Variants in MAP2K1 observed in about 807,000 individuals in gnomAD.
MAP2K1 encodes dual specificity mitogen-activated protein kinase kinase 1.
In MAP2K1, 16 loss-of-function variants were observed where a neutral mutation model predicts 46.3. The ratio of observed to expected loss-of-function variants is 0.35; its 90% CI spans 0.23 to 0.52. The LOEUF is 0.52. Ranked by LOEUF, MAP2K1 falls within the 20% of genes least tolerant of loss-of-function variation. The probability of loss-of-function intolerance (pLI) is 0.94; values close to 1 mark genes in which losing one functional copy is unlikely to be tolerated. For synonymous variants in MAP2K1, 183 were observed against 185.6 expected (o/e 0.99, Z 0.11); for missense variants, 263 against 497.1 (o/e 0.53, Z 4.48).
At chr15:66,415,298 G>A in intron 1 of MAP2K1, 1 of 335,448 alleles carries the variant, frequency 3.0e-6, no homozygotes, top group East Asian at 9.9e-5. Flanking sequence ...AGGGCCCACT[G>A]TGAATAACAA....
chr15:66,399,620 A>AT (rs1566995790), intron 1 of MAP2K1, among the ~76,000 whole-genome samples: 1 of 151,032 alleles, frequency 6.6e-6, no homozygotes, highest in Non-Finnish European at 1.5e-5. Flanking sequence ...ACACCCAGCT[A>AT]TTTTTTTTCA....
intron 5 of MAP2K1, among the ~76,000 whole-genome samples, chr15:66,468,808 G>C (rs1840238016): frequency 6.6e-6 from 1 of 151,780 alleles, no homozygotes; most frequent in South Asian, 2.1e-4. Context: ...GTGCGTGCCT[G>C]TAATCCCAAC....
chr15:66,392,873 AT>A (rs1289451048), intron 1 of MAP2K1, among the ~76,000 whole-genome samples: 1 of 151,582 alleles, frequency 6.6e-6, no homozygotes, highest in East Asian at 1.9e-4. Context: ...TTTTTAACCA[AT>A]TTTGTTTTGA....
intron 5 of MAP2K1, among the ~76,000 whole-genome samples, chr15:66,465,060 CA>C (rs1892427328): frequency 6.6e-6 from 1 of 150,752 alleles, no homozygotes; most frequent in Non-Finnish European, 1.5e-5. Flanking sequence ...CCATCTCTAC[CA>C]AAAATACAAA....
At chr15:66,412,553 A>G (rs778787652) in intron 1 of MAP2K1, among the ~76,000 whole-genome samples, 1 of 152,320 alleles carries the variant, frequency 6.6e-6, no homozygotes, top group Non-Finnish European at 1.5e-5. Flanking sequence ...ACTTACCCAG[A>G]TAATCTACTC....
At chr15:66,404,676 C>G (rs189906968) in intron 1 of MAP2K1, among the ~76,000 whole-genome samples, 2 of 152,184 alleles carry the variant, frequency 1.3e-5, no homozygotes, top group African/African-American at 4.8e-5. Context: ...AAACCACCAA[C>G]AGGTGTTTCG....
Position 66,448,506 on chromosome 15 carries a change from G to T in MAP2K1, c.568+3799G>T, listed in dbSNP as rs546017601. 3.3e-5 allele frequency among the ~76,000 whole-genome samples: 5 copies of T among 152,276 alleles called. No individual in the cohort carries two copies. The East Asian group carries it at 9.7e-4, about 29-fold the overall frequency. On this transcript the variant is annotated intron_variant, in intron 5 of 10. Transcript: ENST00000307102. ...CCTAGTGGGATTTGTCGGGAGAAAA[G>T]AAATAGAAAATGAAGCACAAAGAAG...
At chr15:66,422,277 GTGTT>G (rs2093445580) in intron 1 of MAP2K1, among the ~76,000 whole-genome samples, 1 of 152,256 alleles carries the variant, frequency 6.6e-6, no homozygotes, top group Non-Finnish European at 1.5e-5. Context: ...GCACCTGAGA[GTGTT>G]TGTCAAAATT....
At chr15:66,461,951 ACT>A (rs1280981779) in intron 5 of MAP2K1, among the ~76,000 whole-genome samples, 1 of 152,050 alleles carries the variant, frequency 6.6e-6, no homozygotes, top group Non-Finnish European at 1.5e-5. Context: ...ATCAGATGAA[ACT>A]CTGACCAAGT....
At chr15:66,421,114 A>G (rs1241690751) in intron 1 of MAP2K1, among the ~76,000 whole-genome samples, 1 of 86,246 alleles carries the variant, frequency 1.2e-5, no homozygotes, top group Non-Finnish European at 2.8e-5. Flanking sequence ...ACACACACAC[A>G]CACACACACA....
chr15:66,445,856 C>T (rs2140604860), intron 5 of MAP2K1, among the ~76,000 whole-genome samples: 1 of 151,508 alleles, frequency 6.6e-6, no homozygotes, highest in Non-Finnish European at 1.5e-5. Flanking sequence ...TTTGGGGTGA[C>T]ACAAATGTTA....
intron 1 of MAP2K1, among the ~76,000 whole-genome samples, chr15:66,422,198 A>G (rs181827229): frequency 9.2e-5 from 14 of 152,260 alleles, no homozygotes; most frequent in Non-Finnish European, 1.2e-4. Context: ...TCATTTATCT[A>G]TGTTTCTTTG....
At chr15:66,466,594 C>T (rs1029483304) in intron 5 of MAP2K1, among the ~76,000 whole-genome samples, 1 of 152,090 alleles carries the variant, frequency 6.6e-6, no homozygotes, top group African/African-American at 2.4e-5. Context: ...ACCCAAGAAT[C>T]ACTTGAACCC....
rs1221997645 is a variant in MAP2K1, at chr15:66,401,118, T to C, written c.80+13691T>C. On this transcript the variant is annotated intron_variant, in intron 1 of 10. Transcript: ENST00000307102. Reference sequence around the variant, plus strand: ...ATTTTTATTGGCTGAAGAGTAGAGTTTGATAGGATCTGGCTAAGCAAATGA... The same window carrying C: ...ATTTTTATTGGCTGAAGAGTAGAGTCTGATAGGATCTGGCTAAGCAAATGA... 3.3e-5 allele frequency among the ~76,000 whole-genome samples: 5 copies of C among 152,308 alleles called. No homozygotes were observed. The East Asian group carries it at 9.6e-4, about 29-fold the overall frequency.
At chr15:66,393,288 C>T (rs1426124586) in intron 1 of MAP2K1, among the ~76,000 whole-genome samples, 2 of 152,050 alleles carry the variant, frequency 1.3e-5, no homozygotes, top group Non-Finnish European at 2.9e-5. Context: ...AGCAATTCTC[C>T]TGCCTTAGCC....
chr15:66,406,648 T>C (rs1406342612), intron 1 of MAP2K1, among the ~76,000 whole-genome samples: 2 of 152,106 alleles, frequency 1.3e-5, no homozygotes, highest in African/African-American at 2.4e-5. Flanking sequence ...AGATTAAAAA[T>C]GGAGAGAAAT....
intron 1 of MAP2K1, among the ~76,000 whole-genome samples, chr15:66,388,821 C>T (rs1271555676): frequency 6.6e-6 from 1 of 152,064 alleles, no homozygotes; most frequent in African/African-American, 2.4e-5. Context: ...CTTTAGTCCC[C>T]TCTCAATCCT....
At chr15:66,392,796 G>A (rs1159948988) in intron 1 of MAP2K1, among the ~76,000 whole-genome samples, 1 of 151,816 alleles carries the variant, frequency 6.6e-6, no homozygotes, top group East Asian at 1.9e-4. Flanking sequence ...CAGATGATCC[G>A]CCTGCCTCAG....
intron 6 of MAP2K1, among the ~76,000 whole-genome samples, chr15:66,483,599 A>G (rs1463314974): frequency 6.6e-6 from 1 of 152,218 alleles, no homozygotes; most frequent in Non-Finnish European, 1.5e-5. Context: ...TTTTTTCGGT[A>G]GGGTTCTTGA....
Sources: gnomAD v4.1 joint callset for allele counts (sites outside exome capture counted in the v4.1 genomes callset) on GRCh38, gnomAD v4.1.1 for gene constraint, MANE v1.5 for transcripts, NCBI Gene and HGNC (gene_info 2026-07-23, HGNC 2026-07-21) for gene names.